Variants in TOR1A observed in about 807,000 individuals in gnomAD.
TOR1A encodes torsin family 1 member A, also known as torsin-1A.
Under a neutral mutation model 31.4 loss-of-function variants are expected in TOR1A, and 18 were observed. The observed-to-expected ratio is 0.57, with a 90% confidence interval of 0.40 to 0.85. The LOEUF is 0.85. Ranked by LOEUF, TOR1A falls within the 40% of genes least tolerant of loss-of-function variation. The probability of loss-of-function intolerance (pLI) is 0.00; values close to 1 mark genes in which losing one functional copy is unlikely to be tolerated. For synonymous variants in TOR1A, 168 were observed against 165.9 expected (o/e 1.01, Z -0.10); for missense variants, 375 against 416.4 (o/e 0.90, Z 0.87).
At chr9:129,822,430 C>CT in intron 2 of TOR1A, 151 bp downstream of exon 2, 1 of 1,152,632 alleles carries the variant, frequency 8.7e-7, no homozygotes, top group Non-Finnish European at 1.3e-6. Context: ...ATCTCAAACT[C>CT]TTAACTTCTA....
rs911382390 is a variant in TOR1A, at chr9:129,813,128, C to T, written c.*844G>A. On this transcript the variant is annotated 3_prime_UTR_variant, in exon 5 of 5. Transcript: ENST00000351698. ...GGCAAAATTCACATAATTTAGAATC[C>T]AGCAGAGAGCACGTGTGGGCTATTT... The T allele has an allele frequency of 2.0e-5, 3 of 149,834 alleles. No homozygotes were observed. Among genetic ancestry groups the T allele is most frequent in the Admixed American group, 6.7e-5 (1 of 14,918 alleles). 9.3% of individuals were successfully genotyped at this position (149,834 alleles called of 1,614,324 possible).
At chr9:129,819,754 TA>T (rs558289594) in intron 2 of TOR1A, among the ~76,000 whole-genome samples, 2,019 of 141,138 alleles carry the variant, frequency 0.014, 18 homozygotes, top group Middle Eastern at 0.025. Flanking sequence ...AAGACTCCAT[TA>T]AAAAAAAAAA....
chr9:129,819,570 A>G (rs916393172), intron 2 of TOR1A, among the ~76,000 whole-genome samples: 1 of 152,044 alleles, frequency 6.6e-6, no homozygotes, highest in African/African-American at 2.4e-5. Context: ...AGCCTGGCCA[A>G]CATGGTGAAA....
At position 129,823,985 on chromosome 9, in the gene TOR1A, A is replaced by G; in HGVS notation, c.101T>C (p.Leu34Pro). ...GAGACGCGGGTAGATGTAGCCGGTG[A>G]GGACGCCGGCCAGGGCCAGTCCCAG... ...ISLGLALAGVLTGYIYPRLYC... is the reference protein window; with the variant it reads ...ISLGLALAGVPTGYIYPRLYC... Residue 34 changes from leucine (L) to proline (P), a missense_variant, in exon 1 of 5, where the codon CTC (leucine) becomes CCC (proline). Transcript: ENST00000351698. 6.2e-7 allele frequency: 1 copy of G among 1,611,138 alleles called. No homozygotes were observed. Among genetic ancestry groups the G allele is most frequent in the Non-Finnish European group, 8.5e-7 (1 of 1,179,500 alleles).
chr9:129,815,661 T>A (rs765646233), intron 4 of TOR1A, among the ~76,000 whole-genome samples: 11 of 152,182 alleles, frequency 7.2e-5, no homozygotes, highest in Non-Finnish European at 1.5e-4. Context: ...AAGTTTGCCC[T>A]CCTGGCCTGA....
chr9:129,814,335 G>A, intron 4 of TOR1A, 113 bp from the exon 5 acceptor site: 1 of 1,528,204 alleles, frequency 6.5e-7, no homozygotes, highest in South Asian at 1.2e-5. Flanking sequence ...TCTACTGGGG[G>A]TCACCTATCC....
chr9:129,820,735 C>CAG (rs1217008958), intron 2 of TOR1A, among the ~76,000 whole-genome samples: 3 of 152,046 alleles, frequency 2.0e-5, no homozygotes, highest in Non-Finnish European at 4.4e-5. Flanking sequence ...GCTGGGACTA[C>CAG]AGGTGCATGC....
intron 4 of TOR1A, among the ~76,000 whole-genome samples, chr9:129,814,723 G>C (rs1478851911): frequency 6.6e-6 from 1 of 151,502 alleles, no homozygotes; most frequent in Non-Finnish European, 1.5e-5. Flanking sequence ...CAGAGAGGCA[G>C]AGTGGGGAAG....
At chr9:129,814,341 T>C (rs995265900) in intron 4 of TOR1A, 119 bp from the exon 5 acceptor site, 2 of 1,480,652 alleles carry the variant, frequency 1.4e-6, no homozygotes. Flanking sequence ...GGGGGTCACC[T>C]ATCCATGCCA....
chr9:129,816,430 TACAC>T (rs1437500828), intron 4 of TOR1A, among the ~76,000 whole-genome samples: 1 of 152,246 alleles, frequency 6.6e-6, no homozygotes, highest in Non-Finnish European at 1.5e-5. Flanking sequence ...ACTGCATGTA[TACAC>T]ACAAACACAT....
intron 1 of TOR1A, 144 bp from the exon 2 acceptor site, chr9:129,822,990 C>T: frequency 1.6e-6 from 2 of 1,223,498 alleles, no homozygotes; most frequent in Non-Finnish European, 2.3e-6. Flanking sequence ...TCTGTAAGCT[C>T]CTGGCCCAGA....
chr9:129,822,157 C>G (rs2031199440), intron 2 of TOR1A: 1 of 296,280 alleles, frequency 3.4e-6, no homozygotes, highest in African/African-American at 2.2e-5. Flanking sequence ...TCCCAGCTAC[C>G]CGGGAGGCTG....
At position 129,813,930 on chromosome 9, in the gene TOR1A, T is replaced by C. The variant is rs1240527129; in HGVS notation, c.*42A>G. On this transcript the variant is annotated 3_prime_UTR_variant, in exon 5 of 5. Transcript: ENST00000351698. Reference sequence around the variant, plus strand: ...TGTGGAAGGACTGAGTGTTGTTTCTTTTCCAACTCCAGGCAGTGACTCCGG... The same window carrying C: ...TGTGGAAGGACTGAGTGTTGTTTCTCTTCCAACTCCAGGCAGTGACTCCGG... 17 of 1,611,078 alleles carry C rather than the reference T, an allele frequency of 1.1e-5. No homozygotes were observed. Among genetic ancestry groups the C allele is most frequent in the Non-Finnish European group, 1.4e-5 (17 of 1,179,954 alleles).
chr9:129,822,489 A>T, intron 2 of TOR1A, 92 bp downstream of exon 2: 2 of 1,554,746 alleles, frequency 1.3e-6, no homozygotes, highest in Non-Finnish European at 1.8e-6. Context: ...GGGCTCACTC[A>T]TTTCAACATA....
chr9:129,823,690 C>A, intron 1 of TOR1A: 1 of 132,206 alleles, frequency 7.6e-6, no homozygotes, highest in Non-Finnish European at 1.6e-5. Flanking sequence ...CCCCGGGCCC[C>A]GCTCCATCCC....
In TOR1A at chr9:129,824,131, C is replaced by T; in HGVS notation, c.-46G>A. ...GCTTGTTCTCGCGCCGACCGCGAAC[C>T]GGTGCAGCCGCCAGACCCACGCTTC... On this transcript the variant is annotated 5_prime_UTR_variant, in exon 1 of 5. Transcript: ENST00000351698. The T allele has an allele frequency of 6.5e-7, 1 of 1,536,044 alleles. No individual in the cohort carries two copies. Among genetic ancestry groups the T allele is most frequent in the South Asian group, 1.2e-5 (1 of 84,122 alleles).
chr9:129,819,043 A>G, intron 2 of TOR1A, 123 bp from the exon 3 acceptor site: 1 of 1,101,118 alleles, frequency 9.1e-7, no homozygotes, highest in Non-Finnish European at 1.3e-6. Flanking sequence ...TAAGAACTTT[A>G]CATGCCCAAA....
At chr9:129,816,714 G>A (rs1376924492) in intron 4 of TOR1A, among the ~76,000 whole-genome samples, 6 of 152,226 alleles carry the variant, frequency 3.9e-5, no homozygotes, top group East Asian at 1.9e-4. Flanking sequence ...CCTCCACAGC[G>A]TGGATTCTAG....
intron 2 of TOR1A, 60 bp from the exon 3 acceptor site, chr9:129,818,980 C>T (rs1405823715): frequency 1.9e-6 from 3 of 1,578,316 alleles, no homozygotes; most frequent in African/African-American, 1.3e-5. Flanking sequence ...CAATCAGCTC[C>T]TTCTACCACT....
Sources: allele counts gnomAD v4.1 joint callset (sites outside exome capture counted in the v4.1 genomes callset), GRCh38; gene constraint gnomAD v4.1.1; transcripts MANE v1.5; gene names NCBI Gene and HGNC (gene_info 2026-07-23, HGNC 2026-07-21).